Variants in NOC3L observed in about 807,000 individuals in gnomAD.
NOC3L encodes the protein nucleolar complex protein 3 homolog.
In NOC3L, 85 loss-of-function variants were observed where a neutral mutation model predicts 102.5. The ratio of observed to expected loss-of-function variants is 0.83; its 90% CI spans 0.70 to 0.99. NOC3L has a LOEUF of 0.99. NOC3L is among the 50% of genes least tolerant of loss of function. The probability of loss-of-function intolerance (pLI) is 0.00; values close to 1 mark genes in which losing one functional copy is unlikely to be tolerated. For missense variants in NOC3L, 878 were observed against 914.9 expected (o/e 0.96, Z 0.52); for synonymous variants, 303 against 309.4 (o/e 0.98, Z 0.22).
chr10:94,356,633 A>C, intron 4 of NOC3L, 42 bp from the exon 5 acceptor site: 4 of 1,178,152 alleles, frequency 3.4e-6, no homozygotes, highest in Non-Finnish European at 5.0e-6. Flanking sequence ...ATATATACTT[A>C]AGTGGTAAAA....
At chr10:94,346,169 A>G (rs185863672) in intron 11 of NOC3L, among the ~76,000 whole-genome samples, 2 of 152,342 alleles carry the variant, frequency 1.3e-5, no homozygotes, top group African/African-American at 4.8e-5. Context: ...AATTGATCTA[A>G]AAAGCCAAAG....
intron 1 of NOC3L, 106 bp downstream of exon 1, chr10:94,362,724 G>T: frequency 8.1e-7 from 1 of 1,242,162 alleles, no homozygotes. Flanking sequence ...CTAAACCACC[G>T]CCCCCTAGAC....
Position 94,334,828 on chromosome 10 carries a change from A to T in NOC3L, c.2190-110T>A, listed in dbSNP as rs115456762. 1.4e-3 allele frequency: 1,122 copies of T among 785,564 alleles called. 16 individuals are homozygous for T. In the African/African-American group the frequency reaches 0.018, roughly 13 times the overall value. 48.7% of individuals were successfully genotyped at this position (785,564 alleles called of 1,614,324 possible). A position where few individuals can be genotyped will look rare whatever the true frequency, so the allele number is the denominator to read the frequency against. ...ATTCTTAACCCATATATTAAGGTAT[A>T]AGATTTGAAACTAACCAACCAATCC... On this transcript the variant is annotated intron_variant, in intron 19 of 20. Transcript: ENST00000371361.
At chr10:94,361,934 A>G in intron 1 of NOC3L, 62 bp from the exon 2 acceptor site, 1 of 1,204,532 alleles carries the variant, frequency 8.3e-7, no homozygotes, top group East Asian at 2.5e-5. Flanking sequence ...CAGGTTAAAG[A>G]GAACTGATTA....
chr10:94,360,875 T>C (rs1468561731), intron 2 of NOC3L, among the ~76,000 whole-genome samples: 1 of 151,488 alleles, frequency 6.6e-6, no homozygotes, highest in Non-Finnish European at 1.5e-5. Flanking sequence ...AGCTGGGTGC[T>C]GTGGCTCACC....
chr10:94,338,128 C>T lies in NOC3L; in HGVS notation c.2092-254G>A, dbSNP rs145518418. Among the ~76,000 whole-genome samples the T allele has an allele frequency of 2.5e-3, 383 of 152,290 alleles. 12 individuals carry two copies. In the East Asian group the frequency reaches 0.066, roughly 26 times the overall value. On this transcript the variant is annotated intron_variant, in intron 18 of 20. Coordinates refer to ENST00000371361, the MANE Select transcript of NOC3L (RefSeq NM_022451.11). ...CAATATAAATAGAAAAATCAAAAAG[C>T]AATTCCTCTTTCAGAGTGAAAAAAG... is the stretch of plus-strand genomic sequence containing the variant.
chr10:94,349,357 CT>C lies in NOC3L; in HGVS notation c.1149del (p.Ala384LeufsTer2), dbSNP rs1257553882. The stretch of plus-strand genomic sequence containing the variant: ...TCTTGCTTAAAGAGTTTCTTCACAG[CT>C]TCACAACACATTTCAGATATCTGAA... ...MSKLISEMCCEAVKKLFKQDK... is the reference protein window; with the variant it reads ...MSKLISEMCCXAVKKLFKQDK... On this transcript the variant is annotated frameshift_variant, in exon 10 of 21. Coordinates refer to ENST00000371361, the MANE Select transcript of NOC3L (RefSeq NM_022451.11). LOFTEE classifies it high-confidence loss of function. 15 of 1,578,890 alleles carry C rather than the reference CT, an allele frequency of 9.5e-6. No individual in the cohort carries two copies. Among genetic ancestry groups the C allele is most frequent in the African/African-American group, 1.4e-5 (1 of 72,392 alleles).
chr10:94,341,524 C>G (rs976826470), intron 14 of NOC3L, 149 bp downstream of exon 14: 25 of 391,508 alleles, frequency 6.4e-5, no homozygotes, highest in Non-Finnish European at 1.0e-4. Flanking sequence ...TGGTGGTAAT[C>G]ATATGATCAT....
At chr10:94,324,978 T>TA in the NOC3L span, 1 of 1,614,146 alleles carries the variant, frequency 6.2e-7, no homozygotes, top group Non-Finnish European at 8.5e-7. Flanking sequence ...CCCGAGGACT[T>TA]ACATCACCTT....
chr10:94,321,898 T>C, the NOC3L span: 3 of 1,610,778 alleles, frequency 1.9e-6, no homozygotes, highest in Non-Finnish European at 2.5e-6. Flanking sequence ...TTTTTAAACA[T>C]AGAACCTAGA....
chr10:94,349,415 C>G, intron 9 of NOC3L, 37 bp from the exon 10 acceptor site: 1 of 1,554,558 alleles, frequency 6.4e-7, no homozygotes. Flanking sequence ...CAGTGTTTCT[C>G]AACCTTAGCA....
In NOC3L at chr10:94,334,295, A is replaced by G. The variant is rs771572483; in HGVS notation, c.2285T>C (p.Leu762Ser). 5.6e-6 allele frequency: 9 copies of G among 1,595,716 alleles called. No homozygotes were observed. The highest frequency in any genetic ancestry group is 7.7e-6 in the Non-Finnish European group (9 of 1,165,786). Residue 762 changes from leucine (L) to serine (S), a missense_variant, in exon 21 of 21, where the codon TTA becomes TCA. Transcript: ENST00000371361. ...SSNPKIKGKF[L>S]QGDSFLNEDL... ...TTCATTCAAAAATGAATCCCCTTGT[A>G]AAAATTTACCCTAGGAAAATATTTA...
the NOC3L span, chr10:94,321,963 G>A: frequency 6.2e-7 from 1 of 1,613,864 alleles, no homozygotes; most frequent in Non-Finnish European, 8.5e-7. Context: ...CAGAGGAGGA[G>A]AGTTTCTTTG....
chr10:94,356,352 AT>A (rs1470280890), intron 5 of NOC3L, among the ~76,000 whole-genome samples, 182 bp downstream of exon 5: 1 of 152,226 alleles, frequency 6.6e-6, no homozygotes, highest in African/African-American at 2.4e-5. Context: ...AATCAAAAAA[AT>A]AAAGAATCTA....
At chr10:94,359,062 T>C (rs1291402528) in intron 2 of NOC3L, among the ~76,000 whole-genome samples, 2 of 152,106 alleles carry the variant, frequency 1.3e-5, no homozygotes, top group East Asian at 3.9e-4. Context: ...TGCTGAGGAT[T>C]CAACTATGAA....
Position 94,349,374 on chromosome 10 carries a change from G to A in NOC3L, c.1133C>T (p.Ser378Phe), listed in dbSNP as rs999913318. The A allele has an allele frequency of 6.4e-6, 10 of 1,571,770 alleles. No homozygotes were observed. Among genetic ancestry groups the A allele is most frequent in the Non-Finnish European group, 8.6e-6 (10 of 1,168,070 alleles). The change falls in exon 10 of 21, where the codon TCT (serine) becomes TTT (phenylalanine). Residue 378 changes from serine (S) to phenylalanine (F), a missense_variant. Physicochemically the swap from Ser to Phe is radical, Grantham distance 155. Transcript: ENST00000371361. Reference protein sequence around the residue: ...PLMNDMSKLISEMCCEAVKKL... With the variant: ...PLMNDMSKLIFEMCCEAVKKL... ...CTTCACAGCTTCACAACACATTTCA[G>A]ATATCTGAAAAATAAAATGTCATAC... is the stretch of plus-strand genomic sequence containing the variant.
the NOC3L span, among the ~76,000 whole-genome samples, chr10:94,327,385 A>G: frequency 3.4e-3 from 515 of 152,052 alleles, no homozygotes; most frequent in African/African-American, 0.012. Context: ...ACTTGAGGTC[A>G]GGAGTTCGAG....
At chr10:94,329,068 C>T (rs188456365), downstream of NOC3L, 10 of 152,260 alleles carry the variant, frequency 6.6e-5, no homozygotes, top group East Asian at 1.7e-3. Flanking sequence ...AGCATTAGTT[C>T]TCAGTACTTG....
At chr10:94,358,031 A>C in intron 3 of NOC3L, 52 bp downstream of exon 3, 1 of 1,230,428 alleles carries the variant, frequency 8.1e-7, no homozygotes, top group Non-Finnish European at 1.2e-6. Context: ...TTCAGAACCA[A>C]GTTTTTAACA....
Sources: gnomAD v4.1 joint callset for allele counts (sites outside exome capture counted in the v4.1 genomes callset) on GRCh38, gnomAD v4.1.1 for gene constraint, MANE v1.5 for transcripts, NCBI Gene and HGNC (gene_info 2026-07-23, HGNC 2026-07-21) for gene names.